Variants in MPP4 observed in about 807,000 individuals in gnomAD.
MPP4 encodes MAGUK p55 subfamily member 4.
MPP4 carries 91 observed loss-of-function variants against 98.3 expected under a neutral mutation model. The observed-to-expected ratio is 0.93, with a 90% CI of 0.78 to 1.10. The LOEUF is 1.10. Among genes scored for constraint, MPP4 ranks in the 50% least tolerant of loss-of-function variants. MPP4 has a pLI of 0.00. For synonymous variants in MPP4, 261 were observed against 271.8 expected (o/e 0.96, Z 0.39); for missense variants, 744 against 792.9 (o/e 0.94, Z 0.74).
chr2:201,668,137 C>A (rs1438032223), intron 12 of MPP4, among the ~76,000 whole-genome samples: 1 of 152,068 alleles, frequency 6.6e-6, no homozygotes, highest in Non-Finnish European at 1.5e-5. Context: ...AAAAACCAGG[C>A]ATGATTATCT....
At chr2:201,670,037 T>C (rs1688298048) in intron 11 of MPP4, among the ~76,000 whole-genome samples, 1 of 152,206 alleles carries the variant, frequency 6.6e-6, no homozygotes, top group Non-Finnish European at 1.5e-5. Flanking sequence ...TAGCATTCTA[T>C]GAATTTCTGA....
chr2:201,666,974 T>C (rs1247625127), intron 12 of MPP4, among the ~76,000 whole-genome samples: 1 of 152,158 alleles, frequency 6.6e-6, no homozygotes, highest in African/African-American at 2.4e-5. Flanking sequence ...TTTTGAATGC[T>C]GCACAAATTA....
chr2:201,675,803 T>G (rs1318934093), intron 10 of MPP4, among the ~76,000 whole-genome samples: 1 of 152,208 alleles, frequency 6.6e-6, no homozygotes, highest in East Asian at 1.9e-4. Flanking sequence ...CAGCAATTTC[T>G]TTGGGCAGGT....
chr2:201,667,303 G>C (rs1389651346), intron 12 of MPP4, among the ~76,000 whole-genome samples: 1 of 152,168 alleles, frequency 6.6e-6, no homozygotes, highest in Non-Finnish European at 1.5e-5. Context: ...ACTGTTCCCT[G>C]TGCCTGTCAT....
chr2:201,679,791 T>C (rs760105666), intron 10 of MPP4, among the ~76,000 whole-genome samples: 2 of 152,228 alleles, frequency 1.3e-5, no homozygotes, highest in Non-Finnish European at 2.9e-5. Flanking sequence ...TCCATCATTC[T>C]GCTCTGCTTT....
intron 18 of MPP4, chr2:201,651,782 C>T (rs1184013833): frequency 9.5e-6 from 4 of 421,740 alleles, no homozygotes; most frequent in Non-Finnish European, 1.3e-5. Flanking sequence ...GGTGAAACCC[C>T]ATCTCTACTA....
At chr2:201,689,223 G>A (rs781579809) in intron 4 of MPP4, among the ~76,000 whole-genome samples, 8 of 152,144 alleles carry the variant, frequency 5.3e-5, no homozygotes, top group Admixed American at 1.3e-4. Context: ...AACTCAGGAG[G>A]CTGAGGCACG....
intron 14 of MPP4, chr2:201,662,055 GT>G: frequency 2.6e-6 from 1 of 387,814 alleles, no homozygotes; most frequent in Non-Finnish European, 5.0e-6. Flanking sequence ...TAGAAAAGTG[GT>G]TCACAACTCA....
intron 1 of MPP4, chr2:201,698,121 G>A (rs931108407): frequency 1.0e-5 from 10 of 982,000 alleles, no homozygotes; most frequent in Non-Finnish European, 1.2e-5. Flanking sequence ...TGATGCCTAA[G>A]GAATTTGTCC....
intron 15 of MPP4, among the ~76,000 whole-genome samples, chr2:201,659,043 G>A (rs752856157): frequency 2.0e-5 from 3 of 151,860 alleles, no homozygotes; most frequent in Non-Finnish European, 4.4e-5. Flanking sequence ...TTCCAGGCAC[G>A]CACCACCATG....
chr2:201,664,148 C>CATCT, intron 13 of MPP4, 47 bp from the exon 14 acceptor site: 1 of 1,521,800 alleles, frequency 6.6e-7, no homozygotes, highest in Non-Finnish European at 8.9e-7. Context: ...ATTACATGAC[C>CATCT]ATCTACACTG....
In MPP4 at chr2:201,681,029, G is replaced by T. The variant is rs200421737; in HGVS notation, c.738C>A (p.Tyr246Ter). ...GCCAGTACTCAGTCATGGCACGGAC[G>T]TACACCTGATGGCAGGTGCATAATG... ...DPPVNSQQMVYVRAMTEYWPQ... is the reference protein window; with the variant it reads ...DPPVNSQQMV Residue 246 changes from tyrosine to a stop codon, truncating the protein, a stop_gained, in exon 10 of 22, where the codon TAC becomes TAA. Coordinates refer to ENST00000409474, the MANE Select transcript of MPP4 (RefSeq NM_033066.3). LOFTEE classifies it high-confidence loss of function. 1.2e-6 allele frequency: 2 copies of T among 1,610,158 alleles called. No homozygotes were observed. Among genetic ancestry groups the T allele is most frequent in the Admixed American group, 3.3e-5 (2 of 59,964 alleles).
intron 20 of MPP4, 143 bp downstream of exon 20, chr2:201,649,433 G>A (rs1687656016): frequency 3.3e-6 from 2 of 611,878 alleles, no homozygotes; most frequent in East Asian, 2.8e-5. Context: ...GACACGTTAA[G>A]TAAGATCTTA....
chr2:201,655,934 C>T (rs1687834091), intron 17 of MPP4, among the ~76,000 whole-genome samples: 1 of 152,168 alleles, frequency 6.6e-6, no homozygotes, highest in African/African-American at 2.4e-5. Flanking sequence ...AAAAAAATCT[C>T]AGTCATAATG....
At chr2:201,675,122 C>G in intron 11 of MPP4, 85 bp downstream of exon 11, 1 of 1,390,326 alleles carries the variant, frequency 7.2e-7, no homozygotes, top group Non-Finnish European at 1.0e-6. Context: ...TGGCCAGCCT[C>G]ACATCAATTA....
At position 201,684,914 on chromosome 2, in the gene MPP4, C is replaced by T. The variant is rs940226102; in HGVS notation, c.574+150G>A. The T allele has an allele frequency of 1.7e-5, 9 of 536,592 alleles. No individual in the cohort carries two copies. In the East Asian group the frequency reaches 1.7e-4, roughly 10 times the overall value. 33.2% of individuals were successfully genotyped at this position (536,592 alleles called of 1,614,324 possible). On this transcript the variant is annotated intron_variant, in intron 7 of 21. Coordinates refer to ENST00000409474, the MANE Select transcript of MPP4 (RefSeq NM_033066.3). ...AGTGAGCCGAGATCACGCCACTGCACTCCAGCCTGGGCGACAGAGCAAGAC... is the reference window on the plus strand; with the variant it reads ...AGTGAGCCGAGATCACGCCACTGCATTCCAGCCTGGGCGACAGAGCAAGAC...
chr2:201,684,474 T>C (rs1183216702), intron 7 of MPP4, among the ~76,000 whole-genome samples: 7 of 152,192 alleles, frequency 4.6e-5, no homozygotes, highest in Admixed American at 3.9e-4. Context: ...TACAATGGCA[T>C]GATAATAGTT....
In MPP4 at chr2:201,645,345, T is replaced by C; in HGVS notation, c.1779A>G (p.Gln593=). 6.2e-7 allele frequency: 1 copy of C among 1,613,988 alleles called. No homozygotes were observed. The highest frequency in any genetic ancestry group is 8.5e-7 in the Non-Finnish European group (1 of 1,179,874). Reference sequence around the variant, plus strand: ...CATTCACAATCACATGATCAAAAAATTGGCCAAACTGAGTTTCCATTCTTT... The same window carrying C: ...CATTCACAATCACATGATCAAAAAACTGGCCAAACTGAGTTTCCATTCTTT... The part of the protein sequence containing the change: ...LAQRMETQFG[Q]FFDHVIVNDS... The change falls in exon 22 of 22, where the codon CAA becomes CAG. Residue 593 remains glutamine, a synonymous_variant. Transcript: ENST00000409474.
Position 201,656,187 on chromosome 2 carries a change from C to T in MPP4, c.1300+11G>A. The T allele has an allele frequency of 6.3e-7, 1 of 1,594,960 alleles. No individual in the cohort carries two copies. The highest frequency in any genetic ancestry group is 8.5e-7 in the Non-Finnish European group (1 of 1,170,370). On this transcript the variant is annotated intron_variant, in intron 17 of 21. Transcript: ENST00000409474. Reference sequence around the variant, plus strand: ...CAAGGAGGAGGAGAGACAGTGCATGCTGGGACATACCCATGAGCACTATGA... The same window carrying T: ...CAAGGAGGAGGAGAGACAGTGCATGTTGGGACATACCCATGAGCACTATGA...
Sources: gnomAD v4.1 joint callset for allele counts (sites outside exome capture counted in the v4.1 genomes callset) on GRCh38, gnomAD v4.1.1 for gene constraint, MANE v1.5 for transcripts, NCBI Gene and HGNC (gene_info 2026-07-23, HGNC 2026-07-21) for gene names.